The following DSTN variants were observed in gnomAD, a reference collection of about 807,000 sequenced individuals.
DSTN encodes the protein destrin.
DSTN carries 10 observed loss-of-function variants against 16.8 expected under a neutral mutation model. The ratio of observed to expected loss-of-function variants is 0.60; its 90% CI spans 0.37 to 1.01. The LOEUF is 1.01. Among genes scored for constraint, DSTN ranks in the 50% least tolerant of loss-of-function variants. DSTN has a pLI of 0.01. For synonymous variants in DSTN, 57 were observed against 58.9 expected, an observed-to-expected ratio of 0.97 and a Z score of 0.14; for missense variants, 141 against 196.7, an observed-to-expected ratio of 0.72 and a Z score of 1.69.
intron 1 of DSTN, among the ~76,000 whole-genome samples, chr20:17,572,934 C>T (rs1400864178): frequency 6.6e-6 from 1 of 152,194 alleles, no homozygotes; most frequent in Non-Finnish European, 1.5e-5. Context: ...ACTCCCTTCC[C>T]TCCCTAGAGT....
intron 3 of DSTN, 78 bp downstream of exon 3, chr20:17,604,709 C>T (rs982492514): frequency 1.4e-6 from 2 of 1,406,316 alleles, no homozygotes; most frequent in Admixed American, 2.3e-5. Context: ...CTGAGAAGCA[C>T]CTTATTTTTT....
chr20:17,591,573 T>C (rs1365134643), intron 1 of DSTN, among the ~76,000 whole-genome samples: 3 of 152,226 alleles, frequency 2.0e-5, no homozygotes, highest in Admixed American at 6.5e-5. Flanking sequence ...TTCTCTTTCA[T>C]GAAATTTCAG....
Position 17,582,219 on chromosome 20 carries a change from C to T in DSTN, c.3+12008C>T, listed in dbSNP as rs528291818. On this transcript the variant is annotated intron_variant, in intron 1 of 3. Transcript: ENST00000246069. ...TCAGTCTTCTGACTACTGGGATTAA[C>T]AGGTGCGCGCCACCACGCCTCGCTA... Among the ~76,000 whole-genome samples the T allele has an allele frequency of 1.6e-4, 24 of 151,742 alleles. No homozygotes were observed. In the South Asian group the frequency reaches 4.2e-3, roughly 26 times the overall value.
At chr20:17,581,449 CT>C (rs1267457309) in intron 1 of DSTN, among the ~76,000 whole-genome samples, 13 of 152,286 alleles carry the variant, frequency 8.5e-5, no homozygotes, top group Non-Finnish European at 1.9e-4. Flanking sequence ...CGCCATTGCC[CT>C]CCAGCCTGAG....
chr20:17,575,809 T>C (rs993916146), intron 1 of DSTN, among the ~76,000 whole-genome samples: 2 of 152,362 alleles, frequency 1.3e-5, no homozygotes, highest in African/African-American at 4.8e-5. Flanking sequence ...ATTACAGGCA[T>C]GAGCCACTGC....
chr20:17,606,345 G>A (rs1453830093), intron 3 of DSTN, among the ~76,000 whole-genome samples: 2 of 152,202 alleles, frequency 1.3e-5, no homozygotes, highest in Admixed American at 6.5e-5. Context: ...TTGTGGTAGT[G>A]TAATTGTTCT....
At position 17,606,929 on chromosome 20, in the gene DSTN, C is replaced by G. The variant is rs1355156515; in HGVS notation, c.389-108C>G. The G allele has an allele frequency of 6.2e-6, 6 of 967,010 alleles. No homozygotes were observed. In the South Asian group the frequency reaches 6.3e-5, roughly 10 times the overall value. The allele number at this position is 967,010 out of a possible 1,614,324, so 59.9% of individuals were successfully genotyped here. On this transcript the variant is annotated intron_variant, in intron 3 of 3. Transcript: ENST00000246069. ...GTGTAGTATTCCGTGTTTGTATATA[C>G]CCCAGTTTATCCAGATTAGAACTGG...
chr20:17,602,168 T>G (rs1272459893), intron 2 of DSTN, among the ~76,000 whole-genome samples: 2 of 152,230 alleles, frequency 1.3e-5, no homozygotes, highest in African/African-American at 4.8e-5. Context: ...ACCAAGTTGC[T>G]GTGAGGAATG....
chr20:17,574,522 C>T (rs557449750), intron 1 of DSTN, among the ~76,000 whole-genome samples: 180 of 152,090 alleles, frequency 1.2e-3, no homozygotes, highest in Admixed American at 4.5e-3. Flanking sequence ...GGGAACAATG[C>T]ACTTCTGCTA....
intron 1 of DSTN, among the ~76,000 whole-genome samples, chr20:17,572,218 A>G (rs1251988332): frequency 6.6e-6 from 1 of 152,232 alleles, no homozygotes; most frequent in Non-Finnish European, 1.5e-5. Flanking sequence ...GAAATAAAGC[A>G]GTTTGAAACC....
intron 1 of DSTN, among the ~76,000 whole-genome samples, chr20:17,577,715 TA>T (rs1471475946): frequency 6.6e-6 from 1 of 152,212 alleles, no homozygotes; most frequent in Admixed American, 6.5e-5. Flanking sequence ...TTTCTAGTAA[TA>T]TTTTTAAAAA....
Position 17,607,193 on chromosome 20 carries a change from T to C in DSTN, c.*47T>C, listed in dbSNP as rs148593032. 4 of 1,560,676 alleles carry C rather than the reference T, an allele frequency of 2.6e-6. No homozygotes were observed. In the African/African-American group the frequency reaches 5.5e-5, roughly 21 times the overall value. ...AAAGCTTCCATGTTTAATGTTATCCTCTTGCTATATAAATAAAGCAAATAT... is the reference window on the plus strand; with the variant it reads ...AAAGCTTCCATGTTTAATGTTATCCCCTTGCTATATAAATAAAGCAAATAT... On this transcript the variant is annotated 3_prime_UTR_variant, in exon 4 of 4. Coordinates refer to ENST00000246069, the MANE Select transcript of DSTN (RefSeq NM_006870.4).
intron 1 of DSTN, among the ~76,000 whole-genome samples, chr20:17,590,043 A>T (rs1273259798): frequency 6.6e-6 from 1 of 152,150 alleles, no homozygotes; most frequent in Non-Finnish European, 1.5e-5. Context: ...ACCGTTTCTG[A>T]TTTATTTTGG....
Position 17,574,749 on chromosome 20 carries a change from T to A in DSTN, c.3+4538T>A, listed in dbSNP as rs1443859275. ...TCAAAAAAAAAAAAAAAAAAAAAATTAAAAGTCTAAAAAACAAACATGCAA... is the reference window on the plus strand; with the variant it reads ...TCAAAAAAAAAAAAAAAAAAAAAATAAAAAGTCTAAAAAACAAACATGCAA... On this transcript the variant is annotated intron_variant, in intron 1 of 3. Transcript: ENST00000246069. 1.3e-3 allele frequency among the ~76,000 whole-genome samples: 81 copies of A among 60,194 alleles called. 1 individual carries two copies. The highest frequency in any genetic ancestry group is 0.013 in the East Asian group (34 of 2,676). 39.5% of individuals were successfully genotyped at this position (60,194 alleles called of 152,430 possible).
chr20:17,594,927 T>A (rs1164191696), intron 1 of DSTN, among the ~76,000 whole-genome samples: 1 of 152,164 alleles, frequency 6.6e-6, no homozygotes, highest in African/African-American at 2.4e-5. Flanking sequence ...TGTTTTTTAT[T>A]TTAGACATGT....
chr20:17,607,567 A>G lies in DSTN; in HGVS notation c.*421A>G, dbSNP rs2035655392. On this transcript the variant is annotated 3_prime_UTR_variant, in exon 4 of 4. Coordinates refer to ENST00000246069, the MANE Select transcript of DSTN (RefSeq NM_006870.4). ...TTTATTCTTCCTTGAGCTAAGCAGA[A>G]TAATGGAATATAATATGTCTTCATA... 1 of 157,124 alleles carries G rather than the reference A, an allele frequency of 6.4e-6. No individual in the cohort carries two copies. Among genetic ancestry groups the G allele is most frequent in the African/African-American group, 2.4e-5 (1 of 41,562 alleles). The allele number at this position is 157,124 out of a possible 1,614,324, so 9.7% of individuals were successfully genotyped here.
At chr20:17,595,151 C>T (rs73898344) in intron 1 of DSTN, among the ~76,000 whole-genome samples, 4,607 of 152,174 alleles carry the variant, frequency 0.03, 206 homozygotes, top group African/African-American at 0.1. Flanking sequence ...ATTGTCCTAC[C>T]ACCCTCACCC....
intron 1 of DSTN, among the ~76,000 whole-genome samples, chr20:17,577,101 A>G (rs1486882249): frequency 6.6e-6 from 1 of 152,240 alleles, no homozygotes; most frequent in African/African-American, 2.4e-5. Flanking sequence ...TATAAAGTGT[A>G]TATGAAACAC....
intron 2 of DSTN, among the ~76,000 whole-genome samples, chr20:17,601,523 A>G (rs753038749): frequency 3.3e-5 from 5 of 152,188 alleles, no homozygotes; most frequent in Non-Finnish European, 7.3e-5. Context: ...ACTGTTTAGT[A>G]GTGTAGTCAC....
Sources: allele counts gnomAD v4.1 joint callset (sites outside exome capture counted in the v4.1 genomes callset), GRCh38; gene constraint gnomAD v4.1.1; transcripts MANE v1.5; gene names NCBI Gene and HGNC (gene_info 2026-07-23, HGNC 2026-07-21).